Variants in GSE1 observed in about 807,000 individuals in gnomAD.
The protein encoded by GSE1 is genetic suppressor element 1.
In GSE1, 32 loss-of-function variants were observed where a neutral mutation model predicts 112.6. That is an observed-to-expected ratio of 0.28 (90% CI 0.21 to 0.38). GSE1 has a LOEUF of 0.38. Among genes scored for constraint, GSE1 ranks in the 10% least tolerant of loss-of-function variants. The pLI is 1.00. For missense variants in GSE1, 2,348 were observed against 1,699.2 expected (o/e 1.38, Z -6.71); for synonymous variants, 1,115 against 735.6 (o/e 1.52, Z -8.35).
intron 1 of GSE1, among the ~76,000 whole-genome samples, chr16:85,578,328 C>T (rs747668306): frequency 4.6e-5 from 7 of 152,296 alleles, no homozygotes; most frequent in South Asian, 4.1e-4. Context: ...CAGCCTGTCC[C>T]GAACGCCAGG....
chr16:85,374,211 G>A (rs1472865796), intron 2 of GSE1, among the ~76,000 whole-genome samples: 10 of 149,808 alleles, frequency 6.7e-5, no homozygotes, highest in Admixed American at 3.3e-4. Context: ...CGTGGCCCTC[G>A]GTGTGCAGTG....
chr16:85,514,976 CA>C (rs1220843197), intron 2 of GSE1, among the ~76,000 whole-genome samples: 1 of 152,062 alleles, frequency 6.6e-6, no homozygotes, highest in Non-Finnish European at 1.5e-5. Flanking sequence ...AGCGTGCATG[CA>C]TGTTTGTGTG....
rs558482030 is a variant in GSE1, at chr16:85,174,683, C to T, written c.2283+2876C>T. Among the ~76,000 whole-genome samples, 7 of 152,224 alleles carry T rather than the reference C, an allele frequency of 4.6e-5. No homozygotes were observed. In the East Asian group the frequency reaches 1.2e-3, roughly 25 times the overall value. ...AGGAGTGGAGGGAAGGAGCCACTTC[C>T]AGCAGAGCAAAGTGCCGAGAAGTAG... On this transcript the variant is annotated intron_variant, in intron 1 of 2. Coordinates refer to the GSE1 transcript ENST00000637419.
At chr16:85,196,971 A>T (rs2074939094) in intron 1 of GSE1, among the ~76,000 whole-genome samples, 2 of 152,170 alleles carry the variant, frequency 1.3e-5, no homozygotes, top group African/African-American at 4.8e-5. Context: ...CTGGCCAGGG[A>T]GTCTGGAGAC....
At chr16:85,504,182 G>A (rs150587847) in intron 2 of GSE1, among the ~76,000 whole-genome samples, 167 of 152,354 alleles carry the variant, frequency 1.1e-3, no homozygotes, top group African/African-American at 3.8e-3. Flanking sequence ...TCAGCAGAGG[G>A]AATCTTGGTG....
chr16:85,634,083 C>T lies in GSE1; in HGVS notation c.177C>T (p.Ser59=). The T allele has an allele frequency of 4.4e-6, 7 of 1,599,054 alleles. No individual in the cohort carries two copies. Among genetic ancestry groups the T allele is most frequent in the Non-Finnish European group, 6.0e-6 (7 of 1,173,854 alleles). ...ALSAQAAPSS[S]FAAALRKLAK... The stretch of plus-strand genomic sequence containing the variant: ...CGGCCCAGGCCGCGCCATCCTCCAG[C>T]TTTGCCGCCGCGCTGCGCAAGCTCG... The change falls in exon 2 of 16, where the codon AGC becomes AGT. Residue 59 remains serine (S), a synonymous_variant. Coordinates refer to ENST00000253458, the MANE Select transcript of GSE1 (RefSeq NM_014615.5).
At chr16:85,487,683 A>G (rs1292859450) in intron 2 of GSE1, among the ~76,000 whole-genome samples, 1 of 151,266 alleles carries the variant, frequency 6.6e-6, no homozygotes, top group Non-Finnish European at 1.5e-5. Context: ...CGACCCCAGA[A>G]TAGAAGCAGG....
chr16:85,378,428 G>A (rs2047471285), intron 2 of GSE1, among the ~76,000 whole-genome samples: 1 of 152,136 alleles, frequency 6.6e-6, no homozygotes, highest in South Asian at 2.1e-4. Flanking sequence ...TGGGAGGGTG[G>A]AGGCAGGAAG....
At chr16:85,194,989 G>A (rs926369547) in intron 1 of GSE1, among the ~76,000 whole-genome samples, 6 of 152,120 alleles carry the variant, frequency 3.9e-5, no homozygotes, top group Non-Finnish European at 7.3e-5. Flanking sequence ...TCATCATAAA[G>A]ACTTGTTCCC....
At chr16:85,234,543 A>T (rs1289843841) in intron 1 of GSE1, among the ~76,000 whole-genome samples, 1 of 152,082 alleles carries the variant, frequency 6.6e-6, no homozygotes, top group East Asian at 1.9e-4. Context: ...ACTAAGGGTA[A>T]CAGATGCCTG....
chr16:85,508,274 T>C lies in GSE1; in HGVS notation c.2465-125640T>C, dbSNP rs201472984. 7.9e-5 allele frequency among the ~76,000 whole-genome samples: 12 copies of C among 152,276 alleles called. No homozygotes were observed. In the East Asian group the frequency reaches 1.2e-3, roughly 15 times the overall value. On this transcript the variant is annotated intron_variant, in intron 2 of 2. Coordinates refer to the GSE1 transcript ENST00000637419. ...GTCTGCAACTCCTGACCTCAGGTGA[T>C]CCACCCGCTTCGGCCTCCCAAAGTG...
At chr16:85,597,549 A>G (rs2047287415) in intron 1 of GSE1, among the ~76,000 whole-genome samples, 1 of 152,114 alleles carries the variant, frequency 6.6e-6, no homozygotes, top group Admixed American at 6.5e-5. Context: ...AGTTCACTGC[A>G]GCCTCAACCT....
intron 2 of GSE1, among the ~76,000 whole-genome samples, chr16:85,388,376 G>A (rs183234266): frequency 6.6e-5 from 4 of 60,766 alleles, no homozygotes; most frequent in Non-Finnish European, 9.6e-5. Flanking sequence ...GGGCGGGTGG[G>A]TGGATGGATG....
At chr16:85,431,576 G>A (rs2049122192) in intron 2 of GSE1, among the ~76,000 whole-genome samples, 2 of 152,232 alleles carry the variant, frequency 1.3e-5, no homozygotes, top group Non-Finnish European at 2.9e-5. Context: ...TCGCCTCCGG[G>A]GTGGTGGCCG....
At chr16:85,661,104 G>T (rs761673809) in intron 8 of GSE1, 42 bp from the exon 9 acceptor site, 31 of 1,521,954 alleles carry the variant, frequency 2.0e-5, no homozygotes, top group Non-Finnish European at 2.0e-5. Context: ...GATGACTGAA[G>T]GGTCTTTTCT....
intron 2 of GSE1, among the ~76,000 whole-genome samples, chr16:85,530,830 C>T (rs1166873855): frequency 1.3e-5 from 2 of 152,210 alleles, no homozygotes; most frequent in Admixed American, 1.3e-4. Flanking sequence ...GTGACTGAGA[C>T]CAGGGGAAAC....
rs1277154989 is a variant in GSE1, at chr16:85,519,552, C to CCATCATCACCATCACCACCAT, written c.2465-114357_2465-114356insTCACCATCACCACCATCATCA. The stretch of plus-strand genomic sequence containing the variant: ...TTCACCACCATCATCACTATTACCA[C>CCATCATCACCATCACCACCAT]CATCACTATCATCATCACCATCACC... On this transcript the variant is annotated intron_variant, in intron 2 of 2. Transcript: ENST00000637419. Among the ~76,000 whole-genome samples, 15 of 34,674 alleles carry CCATCATCACCATCACCACCAT rather than the reference C, an allele frequency of 4.3e-4. 5 individuals are homozygous for CCATCATCACCATCACCACCAT. Among genetic ancestry groups the CCATCATCACCATCACCACCAT allele is most frequent in the East Asian group, 2.2e-3 (2 of 926 alleles). 22.7% of individuals were successfully genotyped at this position (34,674 alleles called of 152,430 possible).
chr16:85,213,089 T>C (rs2075252908), intron 1 of GSE1, among the ~76,000 whole-genome samples: 1 of 151,894 alleles, frequency 6.6e-6, no homozygotes, highest in Non-Finnish European at 1.5e-5. Flanking sequence ...GCCAACATGG[T>C]GAAACCCCTT....
intron 2 of GSE1, among the ~76,000 whole-genome samples, chr16:85,434,345 A>C (rs13333748): frequency 0.18 from 25,606 of 143,440 alleles, 2,274 homozygotes; most frequent in Middle Eastern, 0.26. Flanking sequence ...TAATAATAAT[A>C]ATCAGTGCCG....
Sources: allele counts gnomAD v4.1 joint callset (sites outside exome capture counted in the v4.1 genomes callset), GRCh38; gene constraint gnomAD v4.1.1; transcripts MANE v1.5; gene names NCBI Gene and HGNC (gene_info 2026-07-23, HGNC 2026-07-21).